The following PCSK6 variants were observed in gnomAD, a reference collection of about 807,000 sequenced individuals.
PCSK6 encodes the protein paired basic amino acid cleaving enzyme 4.
In PCSK6, 85 loss-of-function variants were observed where a neutral mutation model predicts 123.3. The observed-to-expected ratio is 0.69, with a 90% confidence interval of 0.58 to 0.83. The LOEUF (loss-of-function observed/expected upper bound fraction) is 0.83. Ranked by LOEUF, PCSK6 falls within the 40% of genes least tolerant of loss-of-function variation. PCSK6 has a pLI of 0.00. For synonymous variants in PCSK6, 508 were observed against 516.0 expected (o/e 0.98, Z 0.21); for missense variants, 1,191 against 1,282.3 (o/e 0.93, Z 1.09).
At chr15:101,344,018 G>A (rs1037126219) in intron 13 of PCSK6, among the ~76,000 whole-genome samples, 2 of 152,052 alleles carry the variant, frequency 1.3e-5, no homozygotes, top group Non-Finnish European at 2.9e-5. Flanking sequence ...GGAGGTTGCA[G>A]TGAGCCGAGA....
chr15:101,399,604 A>G (rs1321984470), intron 6 of PCSK6, among the ~76,000 whole-genome samples: 1 of 152,228 alleles, frequency 6.6e-6, no homozygotes, highest in Non-Finnish European at 1.5e-5. Context: ...TGCCCTCTGC[A>G]GCCAGAAAGT....
intron 13 of PCSK6, among the ~76,000 whole-genome samples, chr15:101,352,894 C>T (rs1367204067): frequency 6.6e-6 from 1 of 152,144 alleles, no homozygotes; most frequent in African/African-American, 2.4e-5. Flanking sequence ...ATAGGAAAAA[C>T]CCTTAAAACC....
intron 8 of PCSK6, among the ~76,000 whole-genome samples, chr15:101,391,236 T>C (rs2042225525): frequency 3.9e-5 from 6 of 152,118 alleles, no homozygotes; most frequent in Admixed American, 3.3e-4. Context: ...ATGGACACCA[T>C]GATATAGATT....
chr15:101,311,661 C>A (rs1323210577), intron 20 of PCSK6, among the ~76,000 whole-genome samples: 4 of 67,562 alleles, frequency 5.9e-5, no homozygotes, highest in Non-Finnish European at 9.2e-5. Flanking sequence ...CCCATCGTCA[C>A]CCCTCACAGC....
intron 10 of PCSK6, among the ~76,000 whole-genome samples, chr15:101,383,426 A>AG (rs2041962858): frequency 6.6e-6 from 1 of 151,270 alleles, no homozygotes; most frequent in Admixed American, 6.6e-5. Flanking sequence ...AAAAAAAAAA[A>AG]AAAAAAGAAG....
At chr15:101,417,499 G>A (rs779872226) in intron 6 of PCSK6, among the ~76,000 whole-genome samples, 1 of 152,124 alleles carries the variant, frequency 6.6e-6, no homozygotes, top group Non-Finnish European at 1.5e-5. Context: ...GAAAATCTAC[G>A]CAGTTGAAAA....
rs538169686 is a variant in PCSK6, at chr15:101,448,527, T to C, written c.298-4867A>G. Among the ~76,000 whole-genome samples the C allele has an allele frequency of 7.2e-5, 11 of 152,344 alleles. No homozygotes were observed. In the East Asian group the frequency reaches 2.1e-3, roughly 29 times the overall value. The stretch of plus-strand genomic sequence containing the variant: ...ACTATTACCGAGTGCCCCTGGCTCA[T>C]TACAACAGCTGACGCTTGCTGGGCA... On this transcript the variant is annotated intron_variant, in intron 1 of 21. Coordinates refer to ENST00000611716, the MANE Select transcript of PCSK6 (RefSeq NM_002570.5).
intron 13 of PCSK6, among the ~76,000 whole-genome samples, chr15:101,350,956 A>G (rs1438426146): frequency 6.6e-6 from 1 of 152,258 alleles, no homozygotes; most frequent in Non-Finnish European, 1.5e-5. Flanking sequence ...AAATTATAGA[A>G]GCTTACAATT....
intron 6 of PCSK6, among the ~76,000 whole-genome samples, chr15:101,410,023 T>C (rs967361651): frequency 8.5e-5 from 13 of 152,178 alleles, no homozygotes; most frequent in African/African-American, 3.1e-4. Context: ...GCTTCAAACA[T>C]CTAGGCTTAA....
At chr15:101,484,167 C>T (rs747219067) in intron 1 of PCSK6, among the ~76,000 whole-genome samples, 6 of 152,142 alleles carry the variant, frequency 3.9e-5, no homozygotes, top group Non-Finnish European at 5.9e-5. Flanking sequence ...ATATAATCCA[C>T]GTATGTTTAT....
intron 13 of PCSK6, among the ~76,000 whole-genome samples, chr15:101,356,731 T>C (rs1205215274): frequency 6.6e-6 from 1 of 151,052 alleles, no homozygotes; most frequent in Non-Finnish European, 1.5e-5. Flanking sequence ...ATAATATAGG[T>C]GTGCAGGAAT....
At position 101,398,690 on chromosome 15, in the gene PCSK6, C is replaced by T; in HGVS notation, c.824-114G>A. 2.6e-6 allele frequency: 3 copies of T among 1,156,276 alleles called. No individual in the cohort carries two copies. The highest frequency in any genetic ancestry group is 3.6e-6 in the Non-Finnish European group (3 of 831,734). 71.6% of individuals were successfully genotyped at this position (1,156,276 alleles called of 1,614,324 possible). A position where few individuals can be genotyped will look rare whatever the true frequency, so the allele number is the denominator to read the frequency against. ...ACCGCATCACAGAGTCCCTCCCCAG[C>T]AGGGGCTGTTCCCAGTCATTCTGCA... On this transcript the variant is annotated intron_variant, in intron 6 of 21. Transcript: ENST00000611716. This position sits in a 1 kb window ranked among gnomAD's most constrained non-coding sequence, Gnocchi z 4.6.
intron 13 of PCSK6, among the ~76,000 whole-genome samples, chr15:101,363,513 C>G (rs1396808867): frequency 6.6e-6 from 1 of 152,260 alleles, no homozygotes; most frequent in Admixed American, 6.5e-5. Context: ...ACTTTTAATA[C>G]TCGGCCAATA....
chr15:101,436,354 C>T (rs749824171), intron 2 of PCSK6, among the ~76,000 whole-genome samples: 2 of 152,216 alleles, frequency 1.3e-5, no homozygotes, highest in African/African-American at 4.8e-5. Context: ...AAGTACGCAC[C>T]GGCAGGGCTG....
At chr15:101,326,065 G>A (rs1237297952) in intron 16 of PCSK6, among the ~76,000 whole-genome samples, 1 of 152,236 alleles carries the variant, frequency 6.6e-6, no homozygotes, top group Non-Finnish European at 1.5e-5. Flanking sequence ...CCGTCTCCAG[G>A]CCCTCTGGGG....
At position 101,313,313 on chromosome 15, in the gene PCSK6, T is replaced by C. The variant is rs1204832396; in HGVS notation, c.2699+63A>G. On this transcript the variant is annotated intron_variant, in intron 20 of 21. Coordinates refer to ENST00000611716, the MANE Select transcript of PCSK6 (RefSeq NM_002570.5). ...CCCTGGGGAAGATGCTGCCAGACTC[T>C]GCCCTCCAGGCACTCCTTTGCTGGA... 8 of 1,611,722 alleles carry C rather than the reference T, an allele frequency of 5.0e-6. 1 individual carries two copies. In the South Asian group the frequency reaches 7.7e-5, roughly 15 times the overall value.
At chr15:101,433,951 G>C (rs2056523880) in intron 2 of PCSK6, among the ~76,000 whole-genome samples, 1 of 151,136 alleles carries the variant, frequency 6.6e-6, no homozygotes, top group Non-Finnish European at 1.5e-5. Flanking sequence ...AGACGCCTTA[G>C]AAACACTGCA....
intron 6 of PCSK6, among the ~76,000 whole-genome samples, chr15:101,414,503 C>T (rs7171004): frequency 0.058 from 8,863 of 152,054 alleles, 888 homozygotes; most frequent in African/African-American, 0.2. Context: ...AAGGAGGTGA[C>T]GACAGACAGA....
chr15:101,453,403 C>A (rs1242174851), intron 1 of PCSK6, among the ~76,000 whole-genome samples: 1 of 152,212 alleles, frequency 6.6e-6, no homozygotes, highest in Admixed American at 6.5e-5. Context: ...CATCTCCCTG[C>A]TGCTCGCTAA....
Sources: gnomAD v4.1 joint callset for allele counts (sites outside exome capture counted in the v4.1 genomes callset) on GRCh38, gnomAD v4.1.1 for gene constraint, Gnocchi (gnomAD v3.1) non-coding constraint, MANE v1.5 for transcripts, NCBI Gene and HGNC (gene_info 2026-07-23, HGNC 2026-07-21) for gene names.